PRKCA: variants seen among roughly 807,000 people sequenced by gnomAD.
PRKCA encodes protein kinase C alpha, also known as protein kinase C alpha type.
A neutral mutation model predicts 87.0 loss-of-function variants in PRKCA; 27 were observed. That is an observed-to-expected ratio of 0.31 (90% CI 0.23 to 0.43). The LOEUF (loss-of-function observed/expected upper bound fraction) is 0.43. PRKCA is among the 20% of genes least tolerant of loss of function. The pLI, the probability that PRKCA is intolerant of heterozygous loss-of-function variation, is 1.00. For missense variants in PRKCA, 518 were observed against 852.3 expected, an observed-to-expected ratio of 0.61 and a Z score of 4.88; for synonymous variants, 329 against 311.1, an observed-to-expected ratio of 1.06 and a Z score of -0.61.
chr17:66,520,941 TA>T (rs1018824212), intron 3 of PRKCA, among the ~76,000 whole-genome samples: 1 of 152,168 alleles, frequency 6.6e-6, no homozygotes, highest in Non-Finnish European at 1.5e-5. Context: ...GAATGTTTTT[TA>T]AAAATACAAT....
chr17:66,625,808 A>G (rs1396637986), intron 3 of PRKCA, among the ~76,000 whole-genome samples: 1 of 152,222 alleles, frequency 6.6e-6, no homozygotes, highest in Non-Finnish European at 1.5e-5. Context: ...GCATGGGTTG[A>G]GGTCCCGATT....
chr17:66,384,873 G>T (rs533490765), intron 2 of PRKCA, among the ~76,000 whole-genome samples: 1 of 151,876 alleles, frequency 6.6e-6, no homozygotes, highest in Non-Finnish European at 1.5e-5. Flanking sequence ...CTCGTGATCC[G>T]CCCCCCTCAG....
intron 2 of PRKCA, among the ~76,000 whole-genome samples, chr17:66,489,440 G>A (rs897124091): frequency 2.8e-5 from 4 of 144,550 alleles, no homozygotes; most frequent in African/African-American, 5.1e-5. Context: ...GATGTAAATA[G>A]GGATGAACCC....
chr17:66,607,076 A>G (rs557560129), intron 3 of PRKCA, among the ~76,000 whole-genome samples: 1 of 152,322 alleles, frequency 6.6e-6, no homozygotes, highest in South Asian at 2.1e-4. Context: ...ACATTTTTAT[A>G]AATAGACCTT....
intron 3 of PRKCA, among the ~76,000 whole-genome samples, chr17:66,519,958 C>G (rs1023676969): frequency 5.9e-5 from 9 of 152,116 alleles, no homozygotes; most frequent in Admixed American, 5.9e-4. Context: ...ATACACTTCA[C>G]TGTTAAAATA....
At chr17:66,312,581 A>C (rs1469356338) in intron 2 of PRKCA, among the ~76,000 whole-genome samples, 1 of 152,134 alleles carries the variant, frequency 6.6e-6, no homozygotes, top group African/African-American at 2.4e-5. Context: ...ATTGTGAATA[A>C]GTTGCAGTTT....
intron 4 of PRKCA, 37 bp downstream of exon 4, chr17:66,641,503 C>G: frequency 6.7e-7 from 1 of 1,489,432 alleles, no homozygotes; most frequent in Non-Finnish European, 9.3e-7. Context: ...TAGCGAGGCT[C>G]TGTAGCTCAT....
At chr17:66,304,486 C>T (rs1444643160) in intron 1 of PRKCA, among the ~76,000 whole-genome samples, 1 of 152,126 alleles carries the variant, frequency 6.6e-6, no homozygotes, top group African/African-American at 2.4e-5. Context: ...CTTCTTAGCT[C>T]CCTCTCCTTC....
intron 12 of PRKCA, 23 bp from the exon 13 acceptor site, chr17:66,742,599 G>A (rs1974181497): frequency 6.2e-7 from 1 of 1,612,278 alleles, no homozygotes; most frequent in African/African-American, 1.3e-5. Flanking sequence ...GAAGGACTCT[G>A]ATGTTAACCC....
At chr17:66,479,829 G>A (rs1203532733) in intron 2 of PRKCA, among the ~76,000 whole-genome samples, 2 of 151,984 alleles carry the variant, frequency 1.3e-5, no homozygotes, top group Non-Finnish European at 2.9e-5. Flanking sequence ...ACACAGAGGG[G>A]AACAACACAC....
chr17:66,454,784 G>A (rs1281316946), intron 2 of PRKCA, among the ~76,000 whole-genome samples: 1 of 152,206 alleles, frequency 6.6e-6, no homozygotes, highest in South Asian at 2.1e-4. Context: ...GGTACAATTC[G>A]AGATGAGATT....
chr17:66,557,230 G>A (rs546075812), intron 3 of PRKCA, among the ~76,000 whole-genome samples: 2 of 152,080 alleles, frequency 1.3e-5, no homozygotes, highest in African/African-American at 4.8e-5. Flanking sequence ...TTTTTTTAAG[G>A]GCCTTGGGGA....
chr17:66,478,502 C>T (rs1353757389), intron 2 of PRKCA, among the ~76,000 whole-genome samples: 1 of 152,116 alleles, frequency 6.6e-6, no homozygotes, highest in Non-Finnish European at 1.5e-5. Flanking sequence ...GATCCACCCA[C>T]CTTGGCCTTC....
chr17:66,556,885 C>A (rs1308236976), intron 3 of PRKCA, among the ~76,000 whole-genome samples: 1 of 152,182 alleles, frequency 6.6e-6, no homozygotes, highest in Non-Finnish European at 1.5e-5. Context: ...GTCCTTATAA[C>A]AGCATGAGAA....
intron 2 of PRKCA, among the ~76,000 whole-genome samples, chr17:66,390,378 A>G (rs1241108998): frequency 1.3e-5 from 2 of 152,224 alleles, no homozygotes; most frequent in Non-Finnish European, 2.9e-5. Flanking sequence ...GAGAAGAAAA[A>G]TATATTCCTG....
intron 2 of PRKCA, among the ~76,000 whole-genome samples, chr17:66,430,832 G>A (rs995059831): frequency 6.6e-6 from 1 of 152,108 alleles, no homozygotes. Context: ...GCTGTTTTAG[G>A]CCAGGGCTCC....
chr17:66,385,822 A>G (rs1186449741), intron 2 of PRKCA, among the ~76,000 whole-genome samples: 1 of 152,102 alleles, frequency 6.6e-6, no homozygotes, highest in Non-Finnish European at 1.5e-5. Flanking sequence ...GCGTGGCGTG[A>G]TCTCAGCTCA....
At chr17:66,653,388 G>C (rs1405353638) in intron 5 of PRKCA, among the ~76,000 whole-genome samples, 1 of 152,144 alleles carries the variant, frequency 6.6e-6, no homozygotes, top group African/African-American at 2.4e-5. Context: ...GAGCCCAGGA[G>C]TTTGAGACAA....
At chr17:66,776,242 C>T (rs537174391) in intron 14 of PRKCA, among the ~76,000 whole-genome samples, 1 of 152,300 alleles carries the variant, frequency 6.6e-6, no homozygotes, top group African/African-American at 2.4e-5. Context: ...CAGTTCTTGC[C>T]TCCTCAGAAG....
Sources: allele counts gnomAD v4.1 joint callset (sites outside exome capture counted in the v4.1 genomes callset), GRCh38; gene constraint gnomAD v4.1.1; transcripts MANE v1.5; gene names NCBI Gene and HGNC (gene_info 2026-07-23, HGNC 2026-07-21).